ZNF326: variants seen among roughly 807,000 people sequenced by gnomAD.
ZNF326 encodes the protein DBIRD complex subunit ZNF326.
ZNF326 carries 30 observed loss-of-function variants against 63.1 expected under a neutral mutation model. The observed-to-expected ratio is 0.48, with a 90% CI of 0.36 to 0.64. ZNF326 has a LOEUF of 0.64. Among genes scored for constraint, ZNF326 ranks in the 30% least tolerant of loss-of-function variants. The pLI, the probability that ZNF326 is intolerant of heterozygous loss-of-function variation, is 0.00. For missense variants in ZNF326, 609 were observed against 720.3 expected (o/e 0.85, Z 1.77); for synonymous variants, 194 against 228.2 (o/e 0.85, Z 1.35).
chr1:90,027,668 T>C lies in ZNF326; in HGVS notation c.1716T>C (p.Ala572=), dbSNP rs1650086150. 6.2e-7 allele frequency: 1 copy of C among 1,613,966 alleles called. No individual in the cohort carries two copies. Among genetic ancestry groups the C allele is most frequent in the Non-Finnish European group, 8.5e-7 (1 of 1,180,010 alleles). Reference sequence around the variant, plus strand: ...AAGAGACAGCAAAGGAAGAACCTGCTGACTTCCCTGTTGAGCAACCTGAAG... The same window carrying C: ...AAGAGACAGCAAAGGAAGAACCTGCCGACTTCCCTGTTGAGCAACCTGAAG... ...LEEETAKEEP[A]DFPVEQPEEN The change falls in exon 12 of 12, where the codon GCT becomes GCC. Residue 572 remains alanine (A), a synonymous_variant. Transcript: ENST00000340281.
At chr1:90,024,385 T>G (rs1649913937) in intron 11 of ZNF326, among the ~76,000 whole-genome samples, 1 of 152,192 alleles carries the variant, frequency 6.6e-6, no homozygotes, top group Non-Finnish European at 1.5e-5. Context: ...ATGTTGCCGC[T>G]CTCAAATTCC....
chr1:90,008,271 G>A (rs1028756577), intron 5 of ZNF326, among the ~76,000 whole-genome samples: 2 of 152,230 alleles, frequency 1.3e-5, no homozygotes, highest in Non-Finnish European at 1.5e-5. Flanking sequence ...TGGTGAAGAA[G>A]TTGATGTGTA....
intron 11 of ZNF326, 40 bp downstream of exon 11, chr1:90,022,385 G>A (rs771384271): frequency 2.9e-6 from 4 of 1,389,724 alleles, no homozygotes; most frequent in Non-Finnish European, 4.1e-6. Context: ...TAATATTGTA[G>A]TATTGCAATA....
intron 6 of ZNF326, among the ~76,000 whole-genome samples, chr1:90,010,533 A>G (rs1649188209): frequency 6.6e-6 from 1 of 152,038 alleles, no homozygotes; most frequent in South Asian, 2.1e-4. Context: ...CAAACCCTCT[A>G]CAGCTGAGAA....
chr1:90,002,889 T>G (rs996032879), intron 2 of ZNF326, among the ~76,000 whole-genome samples: 2 of 152,202 alleles, frequency 1.3e-5, no homozygotes, highest in Non-Finnish European at 1.5e-5. Context: ...ATACTAGTTT[T>G]TATATAAAAT....
At chr1:90,019,041 G>A (rs1237930602) in intron 9 of ZNF326, among the ~76,000 whole-genome samples, 1 of 152,060 alleles carries the variant, frequency 6.6e-6, no homozygotes, top group Non-Finnish European at 1.5e-5. Context: ...ACTTCTCTCT[G>A]TTCTCTGTTT....
intron 2 of ZNF326, among the ~76,000 whole-genome samples, chr1:90,004,392 G>A (rs578035718): frequency 3.3e-4 from 51 of 152,314 alleles, no homozygotes; most frequent in African/African-American, 1.2e-3. Flanking sequence ...CAGAAAACAA[G>A]TATAGTCTAC....
chr1:90,020,772 T>C lies in ZNF326; in HGVS notation c.1175-20T>C. 1.3e-6 allele frequency: 2 copies of C among 1,589,288 alleles called. No individual in the cohort carries two copies. The highest frequency in any genetic ancestry group is 1.7e-6 in the Non-Finnish European group (2 of 1,169,502). On this transcript the variant is annotated intron_variant, in intron 9 of 11. Transcript: ENST00000340281. ...AATAACATATGAATTATTTCTTTAA[T>C]AATTGGATGTCTTTTGTAGGTGTTA...
In ZNF326 at chr1:90,027,548, G is replaced by A. The variant is rs1000997094; in HGVS notation, c.1596G>A (p.Glu532=). 2 of 1,608,488 alleles carry A rather than the reference G, an allele frequency of 1.2e-6. No individual in the cohort carries two copies. The highest frequency in any genetic ancestry group is 2.7e-5 in the African/African-American group (2 of 74,636). The stretch of plus-strand genomic sequence containing the variant: ...TGAGAGAAGGAGGAATAGAGGGCGA[G>A]GGAAATATACAGGGAGTAGGGGAAG... The part of the protein sequence containing the change: ...EEVREGGIEG[E]GNIQGVGEGG... Residue 532 remains glutamate (E), a synonymous_variant, in exon 12 of 12, where the codon GAG becomes GAA. Coordinates refer to ENST00000340281, the MANE Select transcript of ZNF326 (RefSeq NM_182976.4).
At chr1:90,005,414 TATTAC>T (rs1191739540) in intron 4 of ZNF326, 170 bp downstream of exon 4, 18 of 1,345,698 alleles carry the variant, frequency 1.3e-5, no homozygotes, top group Non-Finnish European at 1.7e-5. Flanking sequence ...TTTAAATCAG[TATTAC>T]TGGCAGACGT....
At chr1:90,025,319 CAG>C (rs1432207839) in intron 11 of ZNF326, among the ~76,000 whole-genome samples, 1 of 152,162 alleles carries the variant, frequency 6.6e-6, no homozygotes, top group African/African-American at 2.4e-5. Context: ...TATTTTGAGA[CAG>C]AGTCTCACTC....
At chr1:90,013,957 C>T (rs1055071229) in intron 7 of ZNF326, among the ~76,000 whole-genome samples, 11 of 151,624 alleles carry the variant, frequency 7.3e-5, no homozygotes, top group African/African-American at 2.4e-4. Flanking sequence ...CCCAGCTACT[C>T]GGGAGGCTGA....
chr1:90,017,410 A>G lies in ZNF326; in HGVS notation c.1020A>G (p.Leu340=), dbSNP rs1570313433. 5 of 1,605,434 alleles carry G rather than the reference A, an allele frequency of 3.1e-6. No individual in the cohort carries two copies. In the East Asian group the frequency reaches 9.0e-5, roughly 29 times the overall value. Residue 340 remains leucine, a synonymous_variant, in exon 8 of 12, where the codon TTA becomes TTG. Transcript: ENST00000340281. ...AAAGTTCTTCACATCAGGAAACATT[A>G]GATCATATACAGAAACAAACTAAAT... ...HLESSSHQET[L]DHIQKQTKFD... is the part of the protein sequence containing the mutation.
intron 4 of ZNF326, chr1:90,005,631 G>A (rs975127400): frequency 1.3e-5 from 12 of 942,736 alleles, no homozygotes; most frequent in African/African-American, 1.8e-5. Context: ...TTCTAATGTG[G>A]GGTGCTATGT....
At position 90,028,496 on chromosome 1, in the gene ZNF326, A is replaced by C. The variant is rs1001473445; in HGVS notation, c.*795A>C. ...GTTCCTTTTCCCTGTGCCTGTGTCA[A>C]ATCTTCAAGTCTTGCTGAAAATACA... is the stretch of plus-strand genomic sequence containing the variant. On this transcript the variant is annotated 3_prime_UTR_variant, in exon 12 of 12. Coordinates refer to ENST00000340281, the MANE Select transcript of ZNF326 (RefSeq NM_182976.4). 6.6e-6 allele frequency: 1 copy of C among 152,178 alleles called. No individual in the cohort carries two copies. The highest frequency in any genetic ancestry group is 1.5e-5 in the Non-Finnish European group (1 of 68,038). The allele number at this position is 152,178 out of a possible 1,614,324, so 9.4% of individuals were successfully genotyped here.
Position 90,007,121 on chromosome 1 carries a change from T to C in ZNF326, c.210-224T>C, listed in dbSNP as rs1649023898. Among the ~76,000 whole-genome samples, 1 of 152,222 alleles carries C rather than the reference T, an allele frequency of 6.6e-6. No homozygotes were observed. Among genetic ancestry groups the C allele is most frequent in the South Asian group, 2.1e-4 (1 of 4,828 alleles). On this transcript the variant is annotated intron_variant, in intron 4 of 11. Coordinates refer to ENST00000340281, the MANE Select transcript of ZNF326 (RefSeq NM_182976.4). This position sits in a 1 kb window ranked among gnomAD's most constrained non-coding sequence, Gnocchi z 4.9. The stretch of plus-strand genomic sequence containing the variant: ...AGAAGCAGATTTTAAAGCTAAGTTT[T>C]ACTAAACTCAATTCATATTTATAAT...
At position 90,020,869 on chromosome 1, in the gene ZNF326, C is replaced by A. The variant is rs147231898; in HGVS notation, c.1252C>A (p.His418Asn). ...TTGCAGTGTTTATATCCCTGCTTTACATAGTTCAGTTCAGCAGCACTTAAA... is the reference window on the plus strand; with the variant it reads ...TTGCAGTGTTTATATCCCTGCTTTAAATAGTTCAGTTCAGCAGCACTTAAA... The part of the protein sequence containing the change: ...SACSVYIPAL[H>N]SSVQQHLKSP... Residue 418 changes from histidine to asparagine, a missense_variant, in exon 10 of 12, where the codon CAT (histidine) becomes AAT (asparagine). This residue lies in a region of ZNF326 where 399 missense variants were observed against 444.3 expected (regional missense o/e 0.90). Transcript: ENST00000340281. 1 of 1,613,234 alleles carries A rather than the reference C, an allele frequency of 6.2e-7. No homozygotes were observed.
At position 90,027,343 on chromosome 1, in the gene ZNF326, T is replaced by C. The variant is rs1042570544; in HGVS notation, c.1402-11T>C. On this transcript the variant is annotated splice_polypyrimidine_tract_variant and intron_variant, in intron 11 of 11. Transcript: ENST00000340281. ...TGTGCTGATTTTGAAAGCCATTTCT[T>C]ATGTTTTTAGGGTGAGAATCCTTTT... is the stretch of plus-strand genomic sequence containing the variant. The C allele has an allele frequency of 1.2e-6, 2 of 1,610,508 alleles. No individual in the cohort carries two copies. The highest frequency in any genetic ancestry group is 1.7e-6 in the Non-Finnish European group (2 of 1,178,710).
In ZNF326 at chr1:90,022,245, T is replaced by C. The variant is rs1014106246; in HGVS notation, c.1306-5T>C. 2 of 1,597,110 alleles carry C rather than the reference T, an allele frequency of 1.3e-6. No homozygotes were observed. Among genetic ancestry groups the C allele is most frequent in the African/African-American group, 1.4e-5 (1 of 73,946 alleles). ...AGAACCCTCAGTGTGTTCTGTTTTT[T>C]ATAGGCTTATAAGGAACAAATAAAA... On this transcript the variant is annotated splice_region_variant and splice_polypyrimidine_tract_variant and intron_variant, in intron 10 of 11. Transcript: ENST00000340281.
Sources: allele counts gnomAD v4.1 joint callset (sites outside exome capture counted in the v4.1 genomes callset), GRCh38; gene constraint gnomAD v4.1.1; regional missense constraint gnomAD v4.1.1; non-coding constraint Gnocchi (gnomAD v3.1); transcripts MANE v1.5; gene names NCBI Gene and HGNC (gene_info 2026-07-23, HGNC 2026-07-21).